ARMC2: variants seen among roughly 807,000 people sequenced by gnomAD.
The protein encoded by ARMC2 is armadillo repeat containing 2.
A neutral mutation model predicts 90.3 loss-of-function variants in ARMC2; 67 were observed. That is an observed-to-expected ratio of 0.74 (90% CI 0.61 to 0.91). The LOEUF is 0.91. Ranked by LOEUF, ARMC2 falls within the 40% of genes least tolerant of loss-of-function variation. The probability of loss-of-function intolerance (pLI) is 0.00; values close to 1 mark genes in which losing one functional copy is unlikely to be tolerated. For missense variants in ARMC2, 920 were observed against 1,030.9 expected, an observed-to-expected ratio of 0.89 and a Z score of 1.47; for synonymous variants, 393 against 393.0, an observed-to-expected ratio of 1.00 and a Z score of 0.00.
intron 13 of ARMC2, among the ~76,000 whole-genome samples, chr6:108,956,219 G>C (rs1181829532): frequency 6.6e-6 from 1 of 152,182 alleles, no homozygotes; most frequent in Non-Finnish European, 1.5e-5. Flanking sequence ...ACATGGCTGT[G>C]AACAGCCAAG....
chr6:109,004,548 T>G, the ARMC2 span, among the ~76,000 whole-genome samples: 1 of 152,114 alleles, frequency 6.6e-6, no homozygotes, highest in East Asian at 1.9e-4. Flanking sequence ...GTGATTCTCC[T>G]GTCTCCCGAG....
chr6:108,884,370 T>C (rs542162509), intron 5 of ARMC2, among the ~76,000 whole-genome samples: 98 of 152,294 alleles, frequency 6.4e-4, no homozygotes, highest in African/African-American at 2.3e-3. Context: ...GTGCTTTGAA[T>C]GCACACACAA....
At chr6:108,890,179 G>T in intron 5 of ARMC2, among the ~76,000 whole-genome samples, 1 of 97,732 alleles carries the variant, frequency 1.0e-5, no homozygotes, top group African/African-American at 4.5e-5. Flanking sequence ...GACAGAGCGA[G>T]ACTCCGTCTC....
At chr6:108,974,945 C>G (rs1778954893), downstream of ARMC2, among the ~76,000 whole-genome samples, 1 of 151,892 alleles carries the variant, frequency 6.6e-6, no homozygotes, top group South Asian at 2.1e-4. Context: ...CATGGTTGCA[C>G]ATGCCTGTAA....
At chr6:108,975,623 A>G (rs1778968124), downstream of ARMC2, among the ~76,000 whole-genome samples, 4 of 152,240 alleles carry the variant, frequency 2.6e-5, no homozygotes, top group Admixed American at 2.6e-4. Flanking sequence ...TCCCACCAAC[A>G]GTGTAAAAGC....
intron 4 of ARMC2, among the ~76,000 whole-genome samples, chr6:108,871,269 A>C (rs749533592): frequency 9.2e-5 from 14 of 152,134 alleles, no homozygotes; most frequent in Non-Finnish European, 1.6e-4. Context: ...TTTTACTTGT[A>C]GTGAAAAGAT....
At chr6:108,927,719 AAAG>A (rs1312987598) in intron 10 of ARMC2, among the ~76,000 whole-genome samples, 1 of 151,808 alleles carries the variant, frequency 6.6e-6, no homozygotes, top group Non-Finnish European at 1.5e-5. Context: ...TAAAAAAAAA[AAAG>A]AAAGAAAAAC....
chr6:108,918,710 T>G lies in ARMC2; in HGVS notation c.1350+6152T>G, dbSNP rs144658548. On this transcript the variant is annotated intron_variant, in intron 10 of 17. Transcript: ENST00000392644. Reference sequence around the variant, plus strand: ...TCTCAGCTGGGACACTGAGCCCACTTTACCCTCTGAGCCTCAGTTTCCTGT... The same window carrying G: ...TCTCAGCTGGGACACTGAGCCCACTGTACCCTCTGAGCCTCAGTTTCCTGT... 5.3e-5 allele frequency among the ~76,000 whole-genome samples: 8 copies of G among 152,318 alleles called. No homozygotes were observed. The East Asian group carries it at 1.6e-3, about 30-fold the overall frequency.
At chr6:108,902,611 G>T (rs1478859789) in intron 7 of ARMC2, among the ~76,000 whole-genome samples, 2 of 152,128 alleles carry the variant, frequency 1.3e-5, no homozygotes, top group Non-Finnish European at 2.9e-5. Context: ...AGACATTGAA[G>T]GTTACTTAGC....
chr6:108,912,224 T>G, intron 9 of ARMC2, 111 bp from the exon 10 acceptor site: 6 of 796,348 alleles, frequency 7.5e-6, no homozygotes, highest in Non-Finnish European at 9.6e-6. Context: ...GAATGTAGAT[T>G]TTGATAAATA....
chr6:108,995,471 A>C, the ARMC2 span, among the ~76,000 whole-genome samples: 93 of 152,348 alleles, frequency 6.1e-4, no homozygotes, highest in African/African-American at 1.9e-3. Context: ...TGACTAGAGC[A>C]GTGTCACACA....
At chr6:108,980,316 G>A in the ARMC2 span, among the ~76,000 whole-genome samples, 33 of 152,220 alleles carry the variant, frequency 2.2e-4, no homozygotes, top group South Asian at 1.0e-3. Flanking sequence ...TGTCATCAGC[G>A]GAGGCTGCAG....
chr6:108,860,377 TG>T (rs1356368277), intron 3 of ARMC2, among the ~76,000 whole-genome samples: 1 of 152,008 alleles, frequency 6.6e-6, no homozygotes, highest in Non-Finnish European at 1.5e-5. Context: ...TTAAGAGTAG[TG>T]GCAGCCAGGC....
At chr6:108,978,482 G>A (rs1052577206), downstream of ARMC2, among the ~76,000 whole-genome samples, 3 of 152,182 alleles carry the variant, frequency 2.0e-5, no homozygotes, top group African/African-American at 7.2e-5. Flanking sequence ...TTGATTTGGG[G>A]TGGAGAGTTC....
intron 5 of ARMC2, among the ~76,000 whole-genome samples, chr6:108,890,197 A>AC (rs1383127112): frequency 1.8e-4 from 3 of 16,706 alleles, no homozygotes; most frequent in African/African-American, 6.3e-4. Flanking sequence ...CTCAAAAAAA[A>AC]AAAAAAAAAA....
chr6:109,011,536 G>C, the ARMC2 span, among the ~76,000 whole-genome samples: 21 of 152,080 alleles, frequency 1.4e-4, no homozygotes, highest in African/African-American at 4.3e-4. Context: ...GCACTAGAGT[G>C]AATTAGTCAC....
intron 3 of ARMC2, among the ~76,000 whole-genome samples, chr6:108,866,608 TAAG>T (rs1218510594): frequency 6.6e-6 from 1 of 152,174 alleles, no homozygotes; most frequent in Non-Finnish European, 1.5e-5. Context: ...AATGGCCCTG[TAAG>T]AAGGAGACTA....
chr6:108,926,808 AAGT>A (rs1402364796), intron 10 of ARMC2, among the ~76,000 whole-genome samples: 1 of 152,152 alleles, frequency 6.6e-6, no homozygotes, highest in African/African-American at 2.4e-5. Flanking sequence ...TGGAATACTC[AAGT>A]AGTTTGTTTC....
At position 108,953,322 on chromosome 6, in the gene ARMC2, G is replaced by A. The variant is rs779386235; in HGVS notation, c.1886G>A (p.Gly629Glu). ...GVGPVLAANP[G>E]IVGLLLTTLE... ...GGCCCGGTGCTGGCCGCCAACCCGG[G>A]GATAGTGGGCCTGCTCCTGACCACG... The change falls in exon 13 of 18, where the codon GGG (glycine) becomes GAG (glutamate). Residue 629 changes from glycine to glutamate, a missense_variant. By Grantham distance (98) the Gly-to-Glu change is moderately conservative. Coordinates refer to ENST00000392644, the MANE Select transcript of ARMC2 (RefSeq NM_032131.6). 1 of 1,607,966 alleles carries A rather than the reference G, an allele frequency of 6.2e-7. No individual in the cohort carries two copies. The highest frequency in any genetic ancestry group is 2.2e-5 in the East Asian group (1 of 44,836).
Sources: allele counts gnomAD v4.1 joint callset (sites outside exome capture counted in the v4.1 genomes callset), GRCh38; gene constraint gnomAD v4.1.1; transcripts MANE v1.5; gene names NCBI Gene and HGNC (gene_info 2026-07-23, HGNC 2026-07-21).